PLXNB3: variants seen among roughly 807,000 people sequenced by gnomAD.
The protein encoded by PLXNB3 is plexin B3.
A neutral mutation model predicts 125.7 loss-of-function variants in PLXNB3; 80 were observed. That is an observed-to-expected ratio of 0.64 (90% CI 0.53 to 0.77). The LOEUF (loss-of-function observed/expected upper bound fraction) is 0.77. Ranked by LOEUF, PLXNB3 falls within the 30% of genes least tolerant of loss-of-function variation. The pLI is 0.00. For missense variants in PLXNB3, 1,836 were observed against 1,729.3 expected (o/e 1.06, Z -1.09); for synonymous variants, 954 against 783.3 (o/e 1.22, Z -3.64).
chrX:153,769,245 G>A lies in PLXNB3; in HGVS notation c.1479G>A (p.Trp493Ter). 1 of 1,170,145 alleles carries A rather than the reference G, an allele frequency of 8.5e-7. No individual in the cohort carries two copies. The highest frequency in any genetic ancestry group is 1.1e-6 in the Non-Finnish European group (1 of 873,693). ...AGGCCCAGGACCCGCTGTGTGGCTG[G>A]TGTGTCCTCCAGGGCAGGTGAGCAC... Reference protein sequence around the residue: ...CLQAQDPLCGWCVLQGRCTRK... With the variant: ...CLQAQDPLCG Residue 493 changes from tryptophan (W) to a stop codon, truncating the protein, a stop_gained, in exon 6 of 36, where the codon TGG (tryptophan) becomes TGA (stop). Coordinates refer to ENST00000361971, the MANE Select transcript of PLXNB3 (RefSeq NM_005393.3). LOFTEE classifies it high-confidence loss of function.
rs1291804878 is a variant in PLXNB3, at chrX:153,767,239, G to A, written c.412G>A (p.Gly138Ser). The A allele has an allele frequency of 8.3e-7, 1 of 1,204,103 alleles. No homozygotes were observed. Reference protein sequence around the residue: ...ELVACGQVRQGVCETRRLGDV... With the variant: ...ELVACGQVRQSVCETRRLGDV... Reference sequence around the variant, plus strand: ...GGTGGCCTGCGGGCAGGTGCGGCAGGGCGTGTGTGAGACACGGCGCCTTGG... The same window carrying A: ...GGTGGCCTGCGGGCAGGTGCGGCAGAGCGTGTGTGAGACACGGCGCCTTGG... The change falls in exon 3 of 36, where the codon GGC becomes AGC. Residue 138 changes from glycine (G) to serine (S), a missense_variant. Physicochemically the swap from Gly to Ser is moderately conservative, Grantham distance 56. Coordinates refer to ENST00000361971, the MANE Select transcript of PLXNB3 (RefSeq NM_005393.3).
intron 16 of PLXNB3, among the ~76,000 whole-genome samples, 162 bp downstream of exon 16, chrX:153,772,449 A>G (rs1320138633): frequency 8.9e-6 from 1 of 112,190 alleles, no homozygotes; most frequent in East Asian, 2.8e-4. Context: ...GTGGGCAGCC[A>G]GGCCAGTCTG....
In PLXNB3 at chrX:153,778,658, A is replaced by G. The variant is rs368280793; in HGVS notation, c.5609A>G (p.His1870Arg). 5.0e-6 allele frequency: 6 copies of G among 1,201,990 alleles called. No individual in the cohort carries two copies. Among genetic ancestry groups the G allele is most frequent in the Non-Finnish European group, 4.5e-6 (4 of 889,892 alleles). The change falls in exon 35 of 36, where the codon CAC becomes CGC. Residue 1870 changes from histidine (H) to arginine (R), a missense_variant. Transcript: ENST00000361971. ...CTGCAAGAACTCTACAACCACATCC[A>G]CAGGTACTATGATCAGGTGAGGCCC... ...EALQELYNHIHRYYDQIISAL... is the reference protein window; with the variant it reads ...EALQELYNHIRRYYDQIISAL...
At chrX:153,777,449 G>A in intron 30 of PLXNB3, 69 bp downstream of exon 30, 1 of 1,182,519 alleles carries the variant, frequency 8.5e-7, no homozygotes, top group Non-Finnish European at 1.1e-6. Context: ...GCCAGGGTGT[G>A]GGAGGGGCAG....
At chrX:153,768,908 T>C (rs1557060422) in intron 4 of PLXNB3, 40 bp from the exon 5 acceptor site, 1 of 1,192,783 alleles carries the variant, frequency 8.4e-7, no homozygotes, top group Non-Finnish European at 1.1e-6. Context: ...AGGCAACCTT[T>C]GGCCATCTGG....
intron 6 of PLXNB3, 83 bp from the exon 7 acceptor site, chrX:153,769,724 G>A (rs2091903818): frequency 9.7e-7 from 1 of 1,026,017 alleles, no homozygotes; most frequent in Non-Finnish European, 1.3e-6. Context: ...ACTCCAGCTG[G>A]GCCGGCCTCC....
In PLXNB3 at chrX:153,765,330, CTT is replaced by C. The variant is rs782361202; in HGVS notation, c.-65-140_-65-139del. On this transcript the variant is annotated intron_variant, in intron 1 of 35. Coordinates refer to ENST00000361971, the MANE Select transcript of PLXNB3 (RefSeq NM_005393.3). ...ATTGTTGTGGTGGAGGCAGGGCTGC[CTT>C]GGCCTGGCCACTATTGACAAAGCTG... The C allele has an allele frequency of 5.1e-4, 239 of 466,977 alleles. 3 individuals are homozygous for C. The South Asian group carries it at 7.2e-3, about 14-fold the overall frequency. 38.5% of individuals were successfully genotyped at this position (466,977 alleles called of 1,213,427 possible). A position where few individuals can be genotyped will look rare whatever the true frequency, so the allele number is the denominator to read the frequency against.
At position 153,767,594 on chromosome X, in the gene PLXNB3, A is replaced by T; in HGVS notation, c.767A>T (p.Gln256Leu). The change falls in exon 3 of 36, where the codon CAG becomes CTG. Residue 256 changes from glutamine (Q) to leucine (L), a missense_variant. Coordinates refer to ENST00000361971, the MANE Select transcript of PLXNB3 (RefSeq NM_005393.3). The stretch of plus-strand genomic sequence containing the variant: ...TTCCGCCGCCGCGGGGCCCGGGCCC[A>T]GGCTGAGTACCGCTCCTACGTGGCC... ...FVFRRRGARAQAEYRSYVARV... is the reference protein window; with the variant it reads ...FVFRRRGARALAEYRSYVARV... 2.5e-6 allele frequency: 3 copies of T among 1,184,309 alleles called. No individual in the cohort carries two copies. Among genetic ancestry groups the T allele is most frequent in the Non-Finnish European group, 3.4e-6 (3 of 882,260 alleles).
Position 153,778,474 on chromosome X carries a change from G to A in PLXNB3, c.5550+3G>A, listed in dbSNP as rs782108571. 10 of 1,207,363 alleles carry A rather than the reference G, an allele frequency of 8.3e-6. No individual in the cohort carries two copies. The highest frequency in any genetic ancestry group is 1.1e-5 in the Non-Finnish European group (10 of 893,165). ...CTGCTTTGGCTGAGCTCTCCGGGGT[G>A]AGGCATGGCCCGGGGGGTGCGCCTG... On this transcript the variant is annotated splice_donor_region_variant and intron_variant, in intron 34 of 35. Coordinates refer to ENST00000361971, the MANE Select transcript of PLXNB3 (RefSeq NM_005393.3).
rs1249816791 is a variant in PLXNB3 at position 153,767,880 on chromosome X, C to T, written c.1053C>T (p.Tyr351=). ...GCGCAGAGGAAGCCACCGTGGAGTA[C>T]GGCGTCACGTCGCGCTGCGTCACCC... ...PSGAEEATVE[Y]GVTSRCVTLP... Residue 351 remains tyrosine, a synonymous_variant, in exon 3 of 36, where the codon TAC becomes TAT. Transcript: ENST00000361971. 7 of 1,109,676 alleles carry T rather than the reference C, an allele frequency of 6.3e-6. No individual in the cohort carries two copies. The highest frequency in any genetic ancestry group is 6.7e-5 in the East Asian group (2 of 30,023). 91.4% of individuals were successfully genotyped at this position (1,109,676 alleles called of 1,213,427 possible).
chrX:153,767,454 C>G lies in PLXNB3; in HGVS notation c.627C>G (p.Ala209=). The G allele has an allele frequency of 8.4e-7, 1 of 1,192,738 alleles. No homozygotes were observed. The highest frequency in any genetic ancestry group is 1.1e-6 in the Non-Finnish European group (1 of 885,357). The part of the protein sequence containing the change: ...GVPPLAIRQL[A]GSQPFSSEGL... The stretch of plus-strand genomic sequence containing the variant: ...CACCCCTGGCCATCCGCCAGCTGGC[C>G]GGGTCTCAGCCCTTCTCCAGCGAGG... Residue 209 remains alanine (A), a synonymous_variant, in exon 3 of 36, where the codon GCC becomes GCG. Transcript: ENST00000361971.
At chrX:153,772,120 G>A in intron 15 of PLXNB3, 62 bp from the exon 16 acceptor site, 3 of 863,472 alleles carry the variant, frequency 3.5e-6, no homozygotes, top group Non-Finnish European at 4.3e-6. Flanking sequence ...CGGGTCAGGG[G>A]AGGGGTGGGC....
chrX:153,774,590 C>T lies in PLXNB3; in HGVS notation c.3830+19C>T, dbSNP rs374694915. 1.2e-5 allele frequency: 14 copies of T among 1,180,186 alleles called. No homozygotes were observed. The highest frequency in any genetic ancestry group is 1.6e-5 in the Non-Finnish European group (14 of 877,723). On this transcript the variant is annotated intron_variant, in intron 22 of 35. Coordinates refer to ENST00000361971, the MANE Select transcript of PLXNB3 (RefSeq NM_005393.3). ...TGTACAGGTGAGACCCGCCCACCCC[C>T]AGCACACTTCCCTCCTCGCCATTGG... is the stretch of plus-strand genomic sequence containing the variant.
rs1557060998 is a variant in PLXNB3 at position 153,769,959 on chromosome X, T to C, written c.1629+20T>C. 8.4e-7 allele frequency: 1 copy of C among 1,196,882 alleles called. No homozygotes were observed. Among genetic ancestry groups the C allele is most frequent in the Admixed American group, 2.2e-5 (1 of 45,263 alleles). ...GGCCAGGTAAGCCGCCCACCACCAC[T>C]GGGCCCTCTGGGCAGCATGACCACT... On this transcript the variant is annotated intron_variant, in intron 7 of 35. Coordinates refer to ENST00000361971, the MANE Select transcript of PLXNB3 (RefSeq NM_005393.3).
intron 4 of PLXNB3, among the ~76,000 whole-genome samples, chrX:153,768,723 A>G (rs2091887991): frequency 8.9e-6 from 1 of 111,867 alleles, no homozygotes; most frequent in Non-Finnish European, 1.9e-5. Context: ...TCCCTGGTAC[A>G]CGGGGCCTCA....
Position 153,773,671 on chromosome X carries a change from G to A in PLXNB3, c.3237G>A (p.Ala1079=), listed in dbSNP as rs374159277. 2.1e-5 allele frequency: 25 copies of A among 1,172,897 alleles called. No individual in the cohort carries two copies. The highest frequency in any genetic ancestry group is 1.8e-4 in the East Asian group (6 of 33,123). Residue 1079 remains alanine (A), a synonymous_variant, in exon 19 of 36, where the codon GCG becomes GCA. Transcript: ENST00000361971. Reference sequence around the variant, plus strand: ...GGAGGAGCTGTGGAGCCCCTGCTGCGGACCCCCAGGCTTGTATCCAGCTCG... The same window carrying A: ...GGAGGAGCTGTGGAGCCCCTGCTGCAGACCCCCAGGCTTGTATCCAGCTCG... ...QPRRSCGAPA[A]DPQACIQLGG... is the part of the protein sequence containing the mutation.
rs1557062504 is a variant in PLXNB3, at chrX:153,772,921, C to T, written c.2811C>T (p.Gly937=). The T allele has an allele frequency of 8.6e-7, 1 of 1,168,085 alleles. No homozygotes were observed. The highest frequency in any genetic ancestry group is 2.0e-5 in the South Asian group (1 of 50,775). Residue 937 remains glycine, a synonymous_variant, in exon 17 of 36, where the codon GGC becomes GGT. Transcript: ENST00000361971. Reference sequence around the variant, plus strand: ...TGCTGAGCCTGAGTCCTCGCTGGGGCCCCCAGGCAGGGGGCACCCAGCTCA... The same window carrying T: ...TGCTGAGCCTGAGTCCTCGCTGGGGTCCCCAGGCAGGGGGCACCCAGCTCA... ...PVLLSLSPRW[G]PQAGGTQLTI...
chrX:153,766,392 A>T lies in PLXNB3; in HGVS notation c.46-481A>T, dbSNP rs113816631. 4,771 of 1,084,912 alleles carry T rather than the reference A, an allele frequency of 4.4e-3. 148 individuals are homozygous for T. In the African/African-American group the frequency reaches 0.081, roughly 19 times the overall value. The allele number at this position is 1,084,912 out of a possible 1,213,427, so 89.4% of individuals were successfully genotyped here. On this transcript the variant is annotated intron_variant, in intron 2 of 35. Transcript: ENST00000361971. ...GCCTCACTCCTCTCACCTGACTTAG[A>T]TCTCTCTTGTCTGGGTGGTGGGCGC...
intron 31 of PLXNB3, 85 bp downstream of exon 31, chrX:153,777,773 C>T (rs2092013122): frequency 1.8e-6 from 2 of 1,104,600 alleles, no homozygotes; most frequent in Middle Eastern, 2.9e-4. Context: ...GTGGATGCGC[C>T]CACCTGGGGT....
Sources: allele counts gnomAD v4.1 joint callset (sites outside exome capture counted in the v4.1 genomes callset), GRCh38; gene constraint gnomAD v4.1.1; transcripts MANE v1.5; gene names NCBI Gene and HGNC (gene_info 2026-07-23, HGNC 2026-07-21).